The following ATXN1 variants were observed in gnomAD, a reference collection of about 807,000 sequenced individuals.
ATXN1 encodes the protein ataxin-1.
In ATXN1, 8 loss-of-function variants were observed where a neutral mutation model predicts 56.4. The observed-to-expected ratio is 0.14, with a 90% confidence interval of 0.08 to 0.26. ATXN1 has a LOEUF of 0.26. Among genes scored for constraint, ATXN1 ranks in the 10% least tolerant of loss-of-function variants. The pLI, the probability that ATXN1 is intolerant of heterozygous loss-of-function variation, is 1.00. For missense variants in ATXN1, 987 were observed against 1,106.5 expected (o/e 0.89, Z 1.53); for synonymous variants, 514 against 494.6 (o/e 1.04, Z -0.52).
chr6:16,454,291 G>A (rs1319070591), intron 6 of ATXN1, among the ~76,000 whole-genome samples: 1 of 152,134 alleles, frequency 6.6e-6, no homozygotes, highest in Non-Finnish European at 1.5e-5. Flanking sequence ...GAATTCTTCT[G>A]AATTCAAAAT....
chr6:16,565,821 C>T (rs1762206340), intron 4 of ATXN1, among the ~76,000 whole-genome samples: 1 of 152,132 alleles, frequency 6.6e-6, no homozygotes, highest in Non-Finnish European at 1.5e-5. Flanking sequence ...AATGATAAAA[C>T]ATCATGTTTT....
At chr6:16,389,188 T>G (rs1396202862) in intron 6 of ATXN1, among the ~76,000 whole-genome samples, 1 of 151,524 alleles carries the variant, frequency 6.6e-6, no homozygotes. Flanking sequence ...AGTACAAAAA[T>G]TAGCCGGGCG....
At chr6:16,703,971 A>G (rs1221818156) in intron 2 of ATXN1, among the ~76,000 whole-genome samples, 1 of 152,212 alleles carries the variant, frequency 6.6e-6, no homozygotes, top group African/African-American at 2.4e-5. Context: ...GTGAGCTGAG[A>G]TCACACCACT....
chr6:16,405,015 CAG>C lies in ATXN1; in HGVS notation c.-160-76547_-160-76546del, dbSNP rs757839633. On this transcript the variant is annotated intron_variant, in intron 6 of 7. Transcript: ENST00000436367. ...ATGTCCTGGTGTTTGGGTACTTTCT[CAG>C]AAGCAAGACTTTCTCATTTGGGTCT... Among the ~76,000 whole-genome samples the C allele has an allele frequency of 5.9e-5, 9 of 152,326 alleles. No homozygotes were observed. The East Asian group carries it at 1.3e-3, about 23-fold the overall frequency.
intron 7 of ATXN1, among the ~76,000 whole-genome samples, chr6:16,325,903 G>A (rs1165964237): frequency 6.6e-6 from 1 of 152,140 alleles, no homozygotes; most frequent in Non-Finnish European, 1.5e-5. Flanking sequence ...GAGTAGCTGG[G>A]ACCGAAGGCA....
intron 6 of ATXN1, among the ~76,000 whole-genome samples, chr6:16,439,038 T>C (rs1759449626): frequency 6.6e-6 from 1 of 152,120 alleles, no homozygotes; most frequent in Non-Finnish European, 1.5e-5. Context: ...CTTTCATTAC[T>C]GAATTTCTCA....
intron 4 of ATXN1, among the ~76,000 whole-genome samples, chr6:16,574,045 T>C (rs186199079): frequency 1.3e-5 from 2 of 152,332 alleles, no homozygotes; most frequent in South Asian, 2.1e-4. Flanking sequence ...GTTTTGTTTT[T>C]TGATGGAGTC....
chr6:16,389,136 A>G (rs1335722362), intron 6 of ATXN1, among the ~76,000 whole-genome samples: 1 of 152,114 alleles, frequency 6.6e-6, no homozygotes, highest in Non-Finnish European at 1.5e-5. Flanking sequence ...GGAGTTCGAG[A>G]GACCAGCCTG....
At chr6:16,560,767 A>G (rs1341077140) in intron 4 of ATXN1, among the ~76,000 whole-genome samples, 1 of 152,202 alleles carries the variant, frequency 6.6e-6, no homozygotes, top group African/African-American at 2.4e-5. Flanking sequence ...TCAGCATCAC[A>G]AAAGAGGTGG....
At chr6:16,584,612 A>G (rs1331129280) in intron 4 of ATXN1, among the ~76,000 whole-genome samples, 2 of 151,642 alleles carry the variant, frequency 1.3e-5, no homozygotes, top group African/African-American at 4.9e-5. Flanking sequence ...AAAACAGTAC[A>G]ATTTACTTGA....
In ATXN1 at chr6:16,760,479, G is replaced by A. The variant is rs867587887; in HGVS notation, c.-730+819C>T. ...CCAACAGGGCGGCGGTGGCGGCGGC[G>A]GCCAGGGCCGTCACCGCCACTCCAG... On this transcript the variant is annotated intron_variant, in intron 1 of 7. Transcript: ENST00000436367. This position sits in a 1 kb window ranked among gnomAD's most constrained non-coding sequence, Gnocchi z 5.3. Among the ~76,000 whole-genome samples, 34 of 150,576 alleles carry A rather than the reference G, an allele frequency of 2.3e-4. No individual in the cohort carries two copies. The highest frequency in any genetic ancestry group is 1.7e-3 in the Admixed American group (26 of 15,142).
At chr6:16,408,888 G>A (rs1486832274) in intron 6 of ATXN1, among the ~76,000 whole-genome samples, 1 of 152,194 alleles carries the variant, frequency 6.6e-6, no homozygotes. Context: ...CTACATGGAT[G>A]AGCCATCATG....
At chr6:16,504,903 C>T (rs1383437505) in intron 5 of ATXN1, among the ~76,000 whole-genome samples, 2 of 152,112 alleles carry the variant, frequency 1.3e-5, no homozygotes, top group East Asian at 1.9e-4. Flanking sequence ...AGCTGCAACA[C>T]CTGCTATTCT....
At position 16,649,283 on chromosome 6, in the gene ATXN1, G is replaced by GA. The variant is rs995663235; in HGVS notation, c.-489+8492dup. Reference sequence around the variant, plus strand: ...TTAGCCAAACAGAATTCTTAGAAATGAAAAAAAAAATAGTAACAAGTATAT... The same window carrying GA: ...TTAGCCAAACAGAATTCTTAGAAATGAAAAAAAAAAATAGTAACAAGTATAT... On this transcript the variant is annotated intron_variant, in intron 3 of 7. Transcript: ENST00000436367. Among the ~76,000 whole-genome samples the GA allele has an allele frequency of 6.0e-3, 887 of 147,052 alleles. 8 individuals carry two copies. The highest frequency in any genetic ancestry group is 0.012 in the African/African-American group (476 of 40,246).
chr6:16,310,216 T>C lies in ATXN1; in HGVS notation c.1918-3357A>G, dbSNP rs1194438858. 2.6e-5 allele frequency among the ~76,000 whole-genome samples: 4 copies of C among 152,224 alleles called. No individual in the cohort carries two copies. In the East Asian group the frequency reaches 7.7e-4, roughly 29 times the overall value. ...CTTTACAGTGCTAAAGAAAAAGAAT[T>C]GTCAATGGCGAATTCTATATGGAGC... On this transcript the variant is annotated intron_variant, in intron 7 of 7. Transcript: ENST00000436367.
intron 3 of ATXN1, among the ~76,000 whole-genome samples, chr6:16,586,978 A>G (rs1407815793): frequency 6.6e-6 from 1 of 152,044 alleles, no homozygotes; most frequent in Non-Finnish European, 1.5e-5. Context: ...AGATCATGCC[A>G]CTGCACTCCA....
At chr6:16,669,408 G>A (rs1758493118) in intron 2 of ATXN1, among the ~76,000 whole-genome samples, 1 of 152,132 alleles carries the variant, frequency 6.6e-6, no homozygotes, top group Non-Finnish European at 1.5e-5. Context: ...CACAAAGGTG[G>A]GGGAAAGGGC....
At chr6:16,675,339 T>C (rs1192637667) in intron 2 of ATXN1, among the ~76,000 whole-genome samples, 1 of 152,222 alleles carries the variant, frequency 6.6e-6, no homozygotes, top group Non-Finnish European at 1.5e-5. Context: ...AATTGCACCA[T>C]AGTCCCATAA....
At chr6:16,437,026 G>C (rs1455845032) in intron 6 of ATXN1, among the ~76,000 whole-genome samples, 3 of 152,154 alleles carry the variant, frequency 2.0e-5, no homozygotes, top group African/African-American at 7.2e-5. Flanking sequence ...GAAGGAGATG[G>C]GAAGGCAGTG....
Sources: allele counts gnomAD v4.1 joint callset (sites outside exome capture counted in the v4.1 genomes callset), GRCh38; gene constraint gnomAD v4.1.1; non-coding constraint Gnocchi (gnomAD v3.1); transcripts MANE v1.5; gene names NCBI Gene and HGNC (gene_info 2026-07-23, HGNC 2026-07-21).